ENOX1: variants seen among roughly 807,000 people sequenced by gnomAD.
ENOX1 encodes ecto-NOX disulfide-thiol exchanger 1.
Under a neutral mutation model 82.5 loss-of-function variants are expected in ENOX1, and 42 were observed. The ratio of observed to expected loss-of-function variants is 0.51; its 90% CI spans 0.40 to 0.66. The LOEUF is 0.66. ENOX1 is among the 30% of genes least tolerant of loss of function. ENOX1 has a pLI of 0.00. For synonymous variants in ENOX1, 271 were observed against 282.2 expected, an observed-to-expected ratio of 0.96 and a Z score of 0.40; for missense variants, 608 against 811.6, an observed-to-expected ratio of 0.75 and a Z score of 3.05.
At chr13:43,467,408 C>T (rs956458569) in intron 3 of ENOX1, among the ~76,000 whole-genome samples, 7 of 152,072 alleles carry the variant, frequency 4.6e-5, no homozygotes, top group Non-Finnish European at 7.4e-5. Context: ...AGTGGTACCA[C>T]GTTGTGGTTT....
intron 9 of ENOX1, among the ~76,000 whole-genome samples, chr13:43,338,920 C>T (rs963318532): frequency 2.6e-5 from 4 of 152,048 alleles, no homozygotes; most frequent in East Asian, 1.9e-4. Flanking sequence ...CTCCTGACCT[C>T]GTGATCCGCC....
At chr13:43,537,034 C>T (rs934334849) in intron 2 of ENOX1, among the ~76,000 whole-genome samples, 2 of 152,158 alleles carry the variant, frequency 1.3e-5, no homozygotes, top group Non-Finnish European at 2.9e-5. Context: ...GGTGAAAAAA[C>T]CACACATAGG....
chr13:43,549,013 C>T (rs1181565491), intron 2 of ENOX1, among the ~76,000 whole-genome samples: 1 of 152,288 alleles, frequency 6.6e-6, no homozygotes, highest in Non-Finnish European at 1.5e-5. Flanking sequence ...CTGATCCTCC[C>T]ACAAACTCTG....
intron 2 of ENOX1, among the ~76,000 whole-genome samples, chr13:43,625,347 C>A (rs899423763): frequency 3.3e-5 from 5 of 151,812 alleles, no homozygotes; most frequent in Admixed American, 6.6e-5. Flanking sequence ...GCTTTTTGCT[C>A]CTTTTCTTGC....
intron 14 of ENOX1, among the ~76,000 whole-genome samples, chr13:43,246,158 A>C (rs1318420267): frequency 6.6e-6 from 1 of 152,242 alleles, no homozygotes; most frequent in African/African-American, 2.4e-5. Flanking sequence ...CTCAATTGTC[A>C]TAAGTGCTCT....
rs929587785 is a variant in ENOX1 at position 43,492,787 on chromosome 13, G to A, written c.-218-8635C>T. Among the ~76,000 whole-genome samples the A allele has an allele frequency of 7.9e-5, 12 of 152,254 alleles. No individual in the cohort carries two copies. The Middle Eastern group carries it at 0.01, about 129-fold the overall frequency. ...AAAATTTTATGCCTTAAATTTTAAT[G>A]CAGTGATAGTTAATTTTATGTTGTT... On this transcript the variant is annotated intron_variant, in intron 2 of 16. Transcript: ENST00000690772.
At chr13:43,625,557 T>C (rs2082928209) in intron 2 of ENOX1, among the ~76,000 whole-genome samples, 2 of 151,994 alleles carry the variant, frequency 1.3e-5, no homozygotes, top group Admixed American at 6.6e-5. Flanking sequence ...CATAAATAAG[T>C]GTTGAATTTA....
chr13:43,451,825 A>C (rs535610979), intron 3 of ENOX1, among the ~76,000 whole-genome samples: 1 of 152,194 alleles, frequency 6.6e-6, no homozygotes, highest in Non-Finnish European at 1.5e-5. Context: ...CTTGGGGAAA[A>C]GCAGTAAATA....
intron 3 of ENOX1, among the ~76,000 whole-genome samples, chr13:43,470,611 T>A (rs1351730911): frequency 6.6e-6 from 1 of 151,180 alleles, no homozygotes; most frequent in Non-Finnish European, 1.5e-5. Context: ...TGTTTATATA[T>A]TTACATACAT....
intron 2 of ENOX1, among the ~76,000 whole-genome samples, chr13:43,485,778 C>A (rs2076391317): frequency 6.6e-6 from 1 of 152,210 alleles, no homozygotes; most frequent in African/African-American, 2.4e-5. Context: ...TCATACCACT[C>A]AGAAACACAT....
intron 1 of ENOX1, among the ~76,000 whole-genome samples, chr13:43,771,525 G>C (rs1484494403): frequency 6.6e-6 from 1 of 152,120 alleles, no homozygotes; most frequent in East Asian, 1.9e-4. Context: ...TTTGTGAAGA[G>C]AGATTCTTTG....
intron 14 of ENOX1, among the ~76,000 whole-genome samples, chr13:43,241,030 T>C: frequency 6.7e-6 from 1 of 149,018 alleles, no homozygotes; most frequent in African/African-American, 2.6e-5. Flanking sequence ...GAAGCCAAAA[T>C]TCTTCTGGGA....
intron 4 of ENOX1, 33 bp from the exon 5 acceptor site, chr13:43,412,086 C>T (rs2054168570): frequency 1.2e-6 from 2 of 1,604,726 alleles, no homozygotes; most frequent in East Asian, 2.2e-5. Flanking sequence ...ATTTAGAGTC[C>T]ATAGGCAAGG....
At chr13:43,768,819 A>G (rs111394242) in intron 1 of ENOX1, among the ~76,000 whole-genome samples, 187 of 152,262 alleles carry the variant, frequency 1.2e-3, no homozygotes, top group African/African-American at 4.2e-3. Context: ...TCACTTTGTC[A>G]TTGTCAATCC....
chr13:43,393,040 T>C (rs1168026251), intron 5 of ENOX1, among the ~76,000 whole-genome samples: 1 of 152,220 alleles, frequency 6.6e-6, no homozygotes, highest in Non-Finnish European at 1.5e-5. Flanking sequence ...CATAGCTCTG[T>C]GGGCATTTCT....
intron 5 of ENOX1, among the ~76,000 whole-genome samples, chr13:43,362,591 A>C (rs746967386): frequency 6.6e-6 from 1 of 151,344 alleles, no homozygotes; most frequent in Non-Finnish European, 1.5e-5. Flanking sequence ...TCTCCTGTAC[A>C]GCCTGTGCCT....
intron 1 of ENOX1, among the ~76,000 whole-genome samples, chr13:43,690,623 C>A (rs2086306466): frequency 6.6e-6 from 1 of 152,108 alleles, no homozygotes; most frequent in Non-Finnish European, 1.5e-5. Flanking sequence ...TGAAAGAGAC[C>A]AGCCAGTGGA....
At chr13:43,665,096 A>C (rs570330611) in intron 2 of ENOX1, among the ~76,000 whole-genome samples, 4 of 152,320 alleles carry the variant, frequency 2.6e-5, no homozygotes, top group Non-Finnish European at 4.4e-5. Flanking sequence ...GCCTGCTTAC[A>C]GCAGCTCCAC....
chr13:43,651,716 T>C (rs961025769), intron 2 of ENOX1, among the ~76,000 whole-genome samples: 5 of 94,396 alleles, frequency 5.3e-5, no homozygotes, highest in Non-Finnish European at 1.3e-4. Context: ...ATCACACCTA[T>C]AATCCCAGCA....
Sources: gnomAD v4.1 joint callset for allele counts (sites outside exome capture counted in the v4.1 genomes callset) on GRCh38, gnomAD v4.1.1 for gene constraint, MANE v1.5 for transcripts, NCBI Gene and HGNC (gene_info 2026-07-23, HGNC 2026-07-21) for gene names.